The following GLI2 variants were observed in gnomAD, a reference collection of about 807,000 sequenced individuals.
GLI2 encodes the protein transcription activator GLI2.
GLI2 carries 22 observed loss-of-function variants against 78.9 expected under a neutral mutation model. That is an observed-to-expected ratio of 0.28 (90% CI 0.20 to 0.40). GLI2 has a LOEUF of 0.40. GLI2 is among the 10% of genes least tolerant of loss of function. GLI2 has a pLI of 1.00. For synonymous variants in GLI2, 974 were observed against 963.7 expected, an observed-to-expected ratio of 1.01 and a Z score of -0.20; for missense variants, 2,097 against 2,213.2, an observed-to-expected ratio of 0.95 and a Z score of 1.05.
At chr2:120,777,018 G>A (rs1171005471) in intron 1 of GLI2, among the ~76,000 whole-genome samples, 16 of 152,248 alleles carry the variant, frequency 1.1e-4, no homozygotes, top group Non-Finnish European at 2.4e-4. Flanking sequence ...CCTGACACGG[G>A]GCAGGGGGCG....
At chr2:120,869,233 T>C (rs1688306826) in intron 2 of GLI2, among the ~76,000 whole-genome samples, 1 of 152,126 alleles carries the variant, frequency 6.6e-6, no homozygotes, top group African/African-American at 2.4e-5. Context: ...GTCCTATGTT[T>C]GTGAGACCTG....
At chr2:120,756,254 G>A (rs908418311) in intron 1 of GLI2, among the ~76,000 whole-genome samples, 8 of 152,072 alleles carry the variant, frequency 5.3e-5, no homozygotes, top group African/African-American at 1.9e-4. Context: ...TCCTAGCAAT[G>A]TTTTATAACT....
intron 3 of GLI2, among the ~76,000 whole-genome samples, chr2:120,932,112 A>G (rs1264036550): frequency 6.6e-6 from 1 of 152,166 alleles, no homozygotes; most frequent in Non-Finnish European, 1.5e-5. Flanking sequence ...TCTGGCTTCC[A>G]TGATGAATGT....
rs150142600 is a variant in GLI2 at position 120,761,834 on chromosome 2, G to A, written c.-31+25549G>A. Among the ~76,000 whole-genome samples the A allele has an allele frequency of 4.3e-3, 649 of 152,336 alleles. 1 individual carries two copies. Among genetic ancestry groups the A allele is most frequent in the Non-Finnish European group, 6.7e-3 (458 of 68,036 alleles). On this transcript the variant is annotated intron_variant, in intron 1 of 13. Transcript: ENST00000361492. ...GACAGCTTTCTTGGTGTATGGCTTG[G>A]GGCAGGGACAGGGGCTCTGGGGAGG...
chr2:120,984,396 G>T (rs1221274440), intron 11 of GLI2, 75 bp from the exon 12 acceptor site: 2 of 1,495,376 alleles, frequency 1.3e-6, no homozygotes, highest in African/African-American at 2.8e-5. Context: ...GTAGCTTCAG[G>T]AGAACAGGGA....
At chr2:120,855,049 T>G (rs1043621493) in intron 2 of GLI2, among the ~76,000 whole-genome samples, 1 of 152,204 alleles carries the variant, frequency 6.6e-6, no homozygotes, top group Non-Finnish European at 1.5e-5. Flanking sequence ...GACCCTGATT[T>G]CCTCATCTAA....
chr2:120,883,835 C>T (rs767542862), intron 2 of GLI2, among the ~76,000 whole-genome samples: 15 of 152,040 alleles, frequency 9.9e-5, no homozygotes, highest in Non-Finnish European at 1.3e-4. Context: ...GTGGGAGAGT[C>T]GGAGAGGTAG....
intron 3 of GLI2, among the ~76,000 whole-genome samples, chr2:120,929,829 A>G (rs1679866064): frequency 1.3e-5 from 2 of 152,110 alleles, no homozygotes. Context: ...GGGCCCCTCC[A>G]CCTGCAGGTG....
At chr2:120,949,737 C>T (rs1409743476) in intron 3 of GLI2, among the ~76,000 whole-genome samples, 1 of 152,222 alleles carries the variant, frequency 6.6e-6, no homozygotes, top group African/African-American at 2.4e-5. Flanking sequence ...AGCTAGACAA[C>T]CAAACTGCGG....
chr2:120,812,906 T>G (rs1156293905), intron 2 of GLI2, among the ~76,000 whole-genome samples: 7 of 152,208 alleles, frequency 4.6e-5, no homozygotes, highest in Non-Finnish European at 1.5e-5. Flanking sequence ...GGCGAGAGTC[T>G]TCTCTTCTTT....
chr2:120,895,895 C>G (rs1210445957), intron 2 of GLI2, among the ~76,000 whole-genome samples: 3 of 152,110 alleles, frequency 2.0e-5, no homozygotes, highest in African/African-American at 7.2e-5. Flanking sequence ...GTTTTCTAAC[C>G]AACACCTTGA....
rs796877831 is a variant in GLI2 at position 120,898,456 on chromosome 2, T to G, written c.149-28905T>G. ...GGGGCGTGCATGCCTGGATTCGCAC[T>G]GAATTGGGGTGCGTTTGTCTTTCTT... On this transcript the variant is annotated intron_variant, in intron 2 of 13. Coordinates refer to ENST00000361492, the MANE Select transcript of GLI2 (RefSeq NM_001374353.1). 1.4e-4 allele frequency among the ~76,000 whole-genome samples: 21 copies of G among 152,286 alleles called. 1 individual carries two copies. Among genetic ancestry groups the G allele is most frequent in the African/African-American group, 5.1e-4 (21 of 41,568 alleles).
intron 3 of GLI2, among the ~76,000 whole-genome samples, chr2:120,948,024 C>T (rs970059557): frequency 6.6e-6 from 1 of 152,222 alleles, no homozygotes; most frequent in African/African-American, 2.4e-5. Context: ...AGGATAGTGG[C>T]ATCTTCCAGC....
Position 120,808,905 on chromosome 2 carries a change from T to G in GLI2, c.148+11437T>G, listed in dbSNP as rs548256060. Among the ~76,000 whole-genome samples the G allele has an allele frequency of 5.6e-3, 846 of 152,288 alleles. 10 individuals are homozygous for G. Among genetic ancestry groups the G allele is most frequent in the African/African-American group, 0.019 (809 of 41,556 alleles). ...TGTGTCTTCAGTGGCTCGGGCACTG[T>G]GGAGCTTCCCAGCTGCCCATAGTTC... On this transcript the variant is annotated intron_variant, in intron 2 of 13. Coordinates refer to ENST00000361492, the MANE Select transcript of GLI2 (RefSeq NM_001374353.1).
At chr2:120,970,283 C>T in intron 6 of GLI2, 110 bp from the exon 7 acceptor site, 1 of 678,334 alleles carries the variant, frequency 1.5e-6, no homozygotes, top group Non-Finnish European at 2.7e-6. Context: ...GTGGGGCTAG[C>T]AACATGCTCA....
intron 1 of GLI2, among the ~76,000 whole-genome samples, chr2:120,787,197 G>C (rs1684021042): frequency 6.6e-6 from 1 of 152,300 alleles, no homozygotes; most frequent in East Asian, 1.9e-4. Context: ...ATTCCAGGCA[G>C]AGGAACCGCG....
At chr2:120,770,146 A>ACACCT (rs1683482618) in intron 1 of GLI2, among the ~76,000 whole-genome samples, 1 of 152,124 alleles carries the variant, frequency 6.6e-6, no homozygotes, top group African/African-American at 2.4e-5. Context: ...CTAGAATTGA[A>ACACCT]CACCTCGGTG....
At chr2:120,896,696 TACACACACACACACAC>T (rs70954513) in intron 2 of GLI2, among the ~76,000 whole-genome samples, 56,890 of 128,810 alleles carry the variant, frequency 0.44, 11,710 homozygotes, top group South Asian at 0.59. Context: ...CACACACCCA[TACACACACACACACAC>T]ACACACACAC....
chr2:120,932,005 G>A (rs1679966125), intron 3 of GLI2, among the ~76,000 whole-genome samples: 1 of 152,124 alleles, frequency 6.6e-6, no homozygotes, highest in South Asian at 2.1e-4. Context: ...CTCGGGGCTG[G>A]CCCTGGGCTC....
Sources: gnomAD v4.1 joint callset for allele counts (sites outside exome capture counted in the v4.1 genomes callset) on GRCh38, gnomAD v4.1.1 for gene constraint, MANE v1.5 for transcripts, NCBI Gene and HGNC (gene_info 2026-07-23, HGNC 2026-07-21) for gene names.